Variants in C1orf159 observed in about 807,000 individuals in gnomAD.
The protein encoded by C1orf159 is uncharacterized protein C1orf159.
Under a neutral mutation model 25.6 loss-of-function variants are expected in C1orf159, and 19 were observed. The observed-to-expected ratio is 0.74, with a 90% CI of 0.52 to 1.09. C1orf159 has a LOEUF of 1.09. C1orf159 is among the 50% of genes least tolerant of loss of function. C1orf159 has a pLI of 0.00. For missense variants in C1orf159, 274 were observed against 290.6 expected, an observed-to-expected ratio of 0.94 and a Z score of 0.42; for synonymous variants, 139 against 124.7, an observed-to-expected ratio of 1.12 and a Z score of -0.77.
chr1:1,095,580 C>T (rs1190385949), intron 1 of C1orf159, among the ~76,000 whole-genome samples: 3 of 152,202 alleles, frequency 2.0e-5, no homozygotes, highest in Admixed American at 1.3e-4. Context: ...TTTCTTAGGA[C>T]CCTCTGCATA....
At position 1,084,372 on chromosome 1, in the gene C1orf159, G is replaced by T; in HGVS notation, c.483C>A (p.Ile161=). Residue 161 remains isoleucine (I), a synonymous_variant, in exon 9 of 10, where the codon ATC becomes ATA. Coordinates refer to ENST00000421241, the MANE Select transcript of C1orf159 (RefSeq NM_017891.5). ...TGTTACCTGAGGACTGTGGCGGGGG[G>T]ATCATTGCAGCCTTGAAAAGGAGAG... ...ALQPGEAAAM[I]PPPQSSVRKP... is the part of the protein sequence containing the mutation. 1.3e-6 allele frequency: 2 copies of T among 1,567,348 alleles called. No homozygotes were observed. Among genetic ancestry groups the T allele is most frequent in the East Asian group, 2.3e-5 (1 of 44,202 alleles).
chr1:1,107,483 C>T (rs1646190082), intron 1 of C1orf159, among the ~76,000 whole-genome samples: 1 of 152,158 alleles, frequency 6.6e-6, no homozygotes, highest in East Asian at 1.9e-4. Flanking sequence ...TGTAAATGCA[C>T]CAATCGCTGC....
chr1:1,096,882 C>A (rs979064468), intron 1 of C1orf159, among the ~76,000 whole-genome samples: 1 of 152,052 alleles, frequency 6.6e-6, no homozygotes. Flanking sequence ...TGCTGCCACA[C>A]CTGGCTAATT....
rs963923924 is a variant in C1orf159, at chr1:1,087,318, G to A, written c.245-114C>T. ...TATGAAAGCGAGGGGCTGAGGGGGC[G>A]GAGCAGCCCTCACCACAGAGCTGTC... On this transcript the variant is annotated intron_variant, in intron 5 of 9. Coordinates refer to ENST00000421241, the MANE Select transcript of C1orf159 (RefSeq NM_017891.5). The surrounding 1 kb of genome is among the most constrained non-coding windows in gnomAD (Gnocchi z 8.3). The A allele has an allele frequency of 7.3e-6, 9 of 1,225,330 alleles. No homozygotes were observed. Among genetic ancestry groups the A allele is most frequent in the Non-Finnish European group, 8.9e-6 (8 of 894,464 alleles). 75.9% of individuals were successfully genotyped at this position (1,225,330 alleles called of 1,614,324 possible).
intron 1 of C1orf159, among the ~76,000 whole-genome samples, chr1:1,101,187 A>G (rs894446341): frequency 6.6e-6 from 1 of 152,106 alleles, no homozygotes; most frequent in Non-Finnish European, 1.5e-5. Flanking sequence ...GGTCTCCATA[A>G]TTACTCACAA....
intron 4 of C1orf159, among the ~76,000 whole-genome samples, chr1:1,088,464 C>G (rs1645871689): frequency 6.7e-6 from 1 of 148,626 alleles, no homozygotes; most frequent in Non-Finnish European, 1.5e-5. Flanking sequence ...CCAAGCTGAT[C>G]CCGACCCTTG....
intron 4 of C1orf159, 56 bp downstream of exon 4, chr1:1,090,297 C>T (rs1645907432): frequency 2.0e-6 from 3 of 1,515,114 alleles, no homozygotes; most frequent in Admixed American, 2.0e-5. Flanking sequence ...CCTGGGCACA[C>T]ACACACCAGT....
chr1:1,086,134 C>T, intron 6 of C1orf159, 122 bp from the exon 7 acceptor site: 1 of 1,269,182 alleles, frequency 7.9e-7, no homozygotes, highest in Non-Finnish European at 1.1e-6. Flanking sequence ...CCTCACGGGA[C>T]CGGCTGTGGG....
Position 1,087,151 on chromosome 1 carries a change from G to GC in C1orf159, c.297dup (p.Arg100AlafsTer21). ...TGCTGAGACTTACCAGGATGTGGCC[G>GC]CCCGGGGGTCCCTGAGCTTCTGTTC... is the stretch of plus-strand genomic sequence containing the variant. On this transcript the variant is annotated frameshift_variant, in exon 6 of 10. Transcript: ENST00000421241. LOFTEE classifies it high-confidence loss of function. This position sits in a 1 kb window ranked among gnomAD's most constrained non-coding sequence, Gnocchi z 8.3. 4.3e-6 allele frequency: 7 copies of GC among 1,609,450 alleles called. No homozygotes were observed. Among genetic ancestry groups the GC allele is most frequent in the Non-Finnish European group, 5.9e-6 (7 of 1,179,524 alleles).
chr1:1,090,686 C>T (rs1645915449), intron 3 of C1orf159: 4 of 702,422 alleles, frequency 5.7e-6, no homozygotes, highest in Admixed American at 4.4e-5. Flanking sequence ...GAGTAAACCA[C>T]CCCCAGGAGG....
intron 1 of C1orf159, among the ~76,000 whole-genome samples, chr1:1,092,997 C>T (rs1255976691): frequency 6.6e-6 from 1 of 151,780 alleles, no homozygotes; most frequent in African/African-American, 2.4e-5. Context: ...CTGCAGTGAA[C>T]GGAGACTGCA....
Position 1,087,435 on chromosome 1 carries a change from A to G in C1orf159, c.244+67T>C, listed in dbSNP as rs1437353216. On this transcript the variant is annotated intron_variant, in intron 5 of 9. Coordinates refer to ENST00000421241, the MANE Select transcript of C1orf159 (RefSeq NM_017891.5). This position sits in a 1 kb window ranked among gnomAD's most constrained non-coding sequence, Gnocchi z 8.3. ...GGGGCAAGGTGGGGACACAGACAGC[A>G]ACTCCCACAGTGTCTCCCACAGCTG... is the stretch of plus-strand genomic sequence containing the variant. 1 of 1,418,760 alleles carries G rather than the reference A, an allele frequency of 7.0e-7. No homozygotes were observed. Among genetic ancestry groups the G allele is most frequent in the African/African-American group, 1.4e-5 (1 of 69,816 alleles). 87.9% of individuals were successfully genotyped at this position (1,418,760 alleles called of 1,614,324 possible). A position where few individuals can be genotyped will look rare whatever the true frequency, so the allele number is the denominator to read the frequency against.
rs1440344919 is a variant in C1orf159, at chr1:1,092,063, G to A, written c.-95C>T. ...GGGTGTTCAGGGGTTAGCTCTGGGAGCTCATGGGCTCAGCTGAGCCCTGCA... is the reference window on the plus strand; with the variant it reads ...GGGTGTTCAGGGGTTAGCTCTGGGAACTCATGGGCTCAGCTGAGCCCTGCA... On this transcript the variant is annotated 5_prime_UTR_variant, in exon 2 of 10. Coordinates refer to ENST00000421241, the MANE Select transcript of C1orf159 (RefSeq NM_017891.5). The A allele has an allele frequency of 2.2e-6, 1 of 454,036 alleles. No homozygotes were observed. The highest frequency in any genetic ancestry group is 4.4e-6 in the Non-Finnish European group (1 of 225,820). The allele number at this position is 454,036 out of a possible 1,614,324, so 28.1% of individuals were successfully genotyped here.
At chr1:1,104,917 C>A (rs963532895) in intron 1 of C1orf159, among the ~76,000 whole-genome samples, 1 of 152,204 alleles carries the variant, frequency 6.6e-6, no homozygotes, top group Non-Finnish European at 1.5e-5. Flanking sequence ...GGATGTAAAC[C>A]TGTTCACTGT....
chr1:1,100,606 T>G (rs1290071812), intron 1 of C1orf159, among the ~76,000 whole-genome samples: 1 of 152,212 alleles, frequency 6.6e-6, no homozygotes, highest in Non-Finnish European at 1.5e-5. Context: ...GGATTTCAGG[T>G]CTACCGTTTT....
intron 1 of C1orf159, among the ~76,000 whole-genome samples, chr1:1,103,741 G>C (rs185991939): frequency 6.6e-6 from 1 of 152,248 alleles, no homozygotes; most frequent in Admixed American, 6.5e-5. Flanking sequence ...TTGCTTGTTT[G>C]TTTTCTGGAG....
chr1:1,090,683 C>A (rs1248845570), intron 3 of C1orf159: 3 of 700,060 alleles, frequency 4.3e-6, no homozygotes, highest in Non-Finnish European at 7.4e-6. Flanking sequence ...GAAGAGTAAA[C>A]CACCCCCAGG....
intron 9 of C1orf159, chr1:1,083,839 T>A: frequency 7.4e-7 from 1 of 1,358,390 alleles, no homozygotes; most frequent in Non-Finnish European, 1.0e-6. Context: ...GCCCTGCTCA[T>A]GGCCTTGGAG....
At chr1:1,085,781 C>T (rs1407585321) in intron 7 of C1orf159, 97 bp downstream of exon 7, 16 of 1,474,128 alleles carry the variant, frequency 1.1e-5, no homozygotes, top group Non-Finnish European at 9.2e-7. Flanking sequence ...TGCCAGCCTG[C>T]TCTGGCCTGG....
Sources: gnomAD v4.1 joint callset for allele counts (sites outside exome capture counted in the v4.1 genomes callset) on GRCh38, gnomAD v4.1.1 for gene constraint, Gnocchi (gnomAD v3.1) non-coding constraint, MANE v1.5 for transcripts, NCBI Gene and HGNC (gene_info 2026-07-23, HGNC 2026-07-21) for gene names.